COG5: variants seen among roughly 807,000 people sequenced by gnomAD.
COG5 encodes conserved oligomeric Golgi complex subunit 5.
A neutral mutation model predicts 110.4 loss-of-function variants in COG5; 86 were observed. That is an observed-to-expected ratio of 0.78 (90% CI 0.65 to 0.93). The LOEUF (loss-of-function observed/expected upper bound fraction) is 0.93. COG5 is among the 40% of genes least tolerant of loss of function. The probability of loss-of-function intolerance (pLI) is 0.00; values close to 1 mark genes in which losing one functional copy is unlikely to be tolerated. For synonymous variants in COG5, 360 were observed against 334.6 expected (o/e 1.08, Z -0.83); for missense variants, 1,077 against 987.0 (o/e 1.09, Z -1.22).
intron 21 of COG5, among the ~76,000 whole-genome samples, 171 bp from the exon 22 acceptor site, chr7:107,203,801 T>TGGTTACTAC (rs1334255580): frequency 6.6e-6 from 1 of 152,220 alleles, no homozygotes; most frequent in Non-Finnish European, 1.5e-5. Context: ...AGTGTTACTA[T>TGGTTACTAC]GGTTACTACG....
At chr7:107,296,153 T>TC (rs988904207) in intron 12 of COG5, among the ~76,000 whole-genome samples, 1 of 130,326 alleles carries the variant, frequency 7.7e-6, no homozygotes, top group Non-Finnish European at 1.6e-5. Context: ...TTTCCCTCCC[T>TC]CCCTCCCCTC....
In COG5 at chr7:107,201,610, C is replaced by T; in HGVS notation, c.*1906G>A. 1 of 452,962 alleles carries T rather than the reference C, an allele frequency of 2.2e-6. No individual in the cohort carries two copies. 28.1% of individuals were successfully genotyped at this position (452,962 alleles called of 1,614,324 possible). A position where few individuals can be genotyped will look rare whatever the true frequency, so the allele number is the denominator to read the frequency against. On this transcript the variant is annotated 3_prime_UTR_variant, in exon 22 of 22. Coordinates refer to ENST00000297135, the MANE Select transcript of COG5 (RefSeq NM_006348.5). ...TGAGGATTTGCTTTCTCCATTAGAG[C>T]ATTAAGCTAAAACTATCAACATTTT...
At chr7:107,220,746 T>C (rs538062904) in intron 19 of COG5, among the ~76,000 whole-genome samples, 74 of 151,864 alleles carry the variant, frequency 4.9e-4, no homozygotes, top group African/African-American at 1.7e-3. Flanking sequence ...GTTCATATTG[T>C]AGGTCTGGTG....
At chr7:107,360,821 T>C (rs544485536) in intron 10 of COG5, among the ~76,000 whole-genome samples, 2 of 152,314 alleles carry the variant, frequency 1.3e-5, no homozygotes, top group East Asian at 1.9e-4. Context: ...GGCTCATGTT[T>C]GTCAGTTGTG....
intron 11 of COG5, among the ~76,000 whole-genome samples, chr7:107,312,949 T>A (rs1808414614): frequency 6.6e-6 from 1 of 152,198 alleles, no homozygotes; most frequent in Non-Finnish European, 1.5e-5. Flanking sequence ...GAACATTTGC[T>A]GAGTTCTGCG....
chr7:107,256,850 C>T (rs1802924463), intron 15 of COG5, 56 bp from the exon 16 acceptor site: 1 of 1,250,746 alleles, frequency 8.0e-7, no homozygotes, highest in Admixed American at 1.7e-5. Context: ...TCTGTAAATA[C>T]TAATTTTGAT....
At chr7:107,388,797 T>C (rs898280387) in intron 7 of COG5, among the ~76,000 whole-genome samples, 4 of 152,110 alleles carry the variant, frequency 2.6e-5, no homozygotes, top group Admixed American at 2.0e-4. Flanking sequence ...TGTTCCAGCA[T>C]GGCGCATCAA....
At chr7:107,203,946 A>G (rs1040828486) in intron 21 of COG5, among the ~76,000 whole-genome samples, 1 of 152,140 alleles carries the variant, frequency 6.6e-6, no homozygotes, top group Non-Finnish European at 1.5e-5. Flanking sequence ...TCCCTACTGA[A>G]GACACCGGCA....
chr7:107,207,877 CAGT>C (rs1798890792), intron 21 of COG5: 1 of 985,208 alleles, frequency 1.0e-6, no homozygotes, highest in Non-Finnish European at 1.2e-6. Context: ...TATTCAGCAG[CAGT>C]AGTTACACTA....
chr7:107,504,942 G>C (rs571309639), intron 6 of COG5, among the ~76,000 whole-genome samples: 2 of 152,076 alleles, frequency 1.3e-5, no homozygotes, highest in Admixed American at 6.6e-5. Context: ...CTCTCAAAGA[G>C]AGAATTCAGT....
At chr7:107,529,114 G>A (rs541920952) in intron 5 of COG5, among the ~76,000 whole-genome samples, 22 of 148,700 alleles carry the variant, frequency 1.5e-4, no homozygotes, top group African/African-American at 3.0e-4. Flanking sequence ...AATATTATCC[G>A]TTTTCTGAAT....
At chr7:107,528,705 GCTAA>G (rs1489767132) in intron 5 of COG5, among the ~76,000 whole-genome samples, 1 of 152,082 alleles carries the variant, frequency 6.6e-6, no homozygotes, top group Non-Finnish European at 1.5e-5. Flanking sequence ...TGGCCCCAAG[GCTAA>G]CTGAGAAGCA....
chr7:107,320,601 GGT>G (rs1303356053), intron 11 of COG5, among the ~76,000 whole-genome samples: 3 of 152,146 alleles, frequency 2.0e-5, no homozygotes, highest in African/African-American at 7.2e-5. Flanking sequence ...GTGTCTTTCT[GGT>G]TGTCCAAGTC....
At position 107,456,019 on chromosome 7, in the gene COG5, G is replaced by C. The variant is rs1327571480; in HGVS notation, c.539-43387C>G. Among the ~76,000 whole-genome samples, 7 of 151,652 alleles carry C rather than the reference G, an allele frequency of 4.6e-5. No individual in the cohort carries two copies. The East Asian group carries it at 1.4e-3, about 29-fold the overall frequency. Reference sequence around the variant, plus strand: ...TCCCCATGTTGGCCAGGCTGGTCTCGAACTCCTGACCTCAAGTGATCTGCC... The same window carrying C: ...TCCCCATGTTGGCCAGGCTGGTCTCCAACTCCTGACCTCAAGTGATCTGCC... On this transcript the variant is annotated intron_variant, in intron 6 of 21. Transcript: ENST00000297135.
intron 7 of COG5, among the ~76,000 whole-genome samples, chr7:107,385,923 G>C (rs1790155920): frequency 4.0e-5 from 6 of 150,920 alleles, no homozygotes. Context: ...ATGATTGCTG[G>C]CCATCTGTAT....
In COG5 at chr7:107,448,016, C is replaced by T. The variant is rs183101347; in HGVS notation, c.539-35384G>A. Among the ~76,000 whole-genome samples, 559 of 152,128 alleles carry T rather than the reference C, an allele frequency of 3.7e-3. 3 individuals are homozygous for T. The highest frequency in any genetic ancestry group is 0.017 in the Middle Eastern group (5 of 294). On this transcript the variant is annotated intron_variant, in intron 6 of 21. Transcript: ENST00000297135. ...ACTAAAAATACAAAAATTAGTTGGG[C>T]GTGGTGGCACACGCTTGTAATCCCA...
intron 21 of COG5, chr7:107,209,828 A>C (rs1232460471): frequency 1.0e-6 from 1 of 985,430 alleles, no homozygotes; most frequent in African/African-American, 1.7e-5. Flanking sequence ...TTACAGAAGG[A>C]AATGGCGGTC....
chr7:107,451,806 A>T (rs1333244293), intron 6 of COG5, among the ~76,000 whole-genome samples: 1 of 152,164 alleles, frequency 6.6e-6, no homozygotes, highest in African/African-American at 2.4e-5. Flanking sequence ...ATATAATACA[A>T]ATAACATACA....
Position 107,390,635 on chromosome 7 carries a change from A to C in COG5, c.670-17875T>G, listed in dbSNP as rs546035335. ...CACACTATAGATCTACATAGCCAAC[A>C]AACAGCCATATGGAAGGGTATGCAA... is the stretch of plus-strand genomic sequence containing the variant. On this transcript the variant is annotated intron_variant, in intron 7 of 21. Coordinates refer to ENST00000297135, the MANE Select transcript of COG5 (RefSeq NM_006348.5). Among the ~76,000 whole-genome samples, 22 of 151,562 alleles carry C rather than the reference A, an allele frequency of 1.5e-4. No individual in the cohort carries two copies. In the South Asian group the frequency reaches 2.3e-3, roughly 16 times the overall value.
Sources: allele counts gnomAD v4.1 joint callset (sites outside exome capture counted in the v4.1 genomes callset), GRCh38; gene constraint gnomAD v4.1.1; transcripts MANE v1.5; gene names NCBI Gene and HGNC (gene_info 2026-07-23, HGNC 2026-07-21).